The following LHFPL2 variants were observed in gnomAD, a reference collection of about 807,000 sequenced individuals.
LHFPL2 encodes the protein LHFPL tetraspan subfamily member 2, also known as LHFPL tetraspan subfamily member 2 protein.
LHFPL2 carries 7 observed loss-of-function variants against 17.5 expected under a neutral mutation model. The observed-to-expected ratio is 0.40, with a 90% CI of 0.23 to 0.75. The LOEUF (loss-of-function observed/expected upper bound fraction) is 0.75, where lower values mean the gene tolerates loss of function less well. Among genes scored for constraint, LHFPL2 ranks in the 30% least tolerant of loss-of-function variants. The pLI, the probability that LHFPL2 is intolerant of heterozygous loss-of-function variation, is 0.37. For missense variants in LHFPL2, 241 were observed against 294.8 expected (o/e 0.82, Z 1.34); for synonymous variants, 134 against 116.2 (o/e 1.15, Z -0.99).
intron 3 of LHFPL2, among the ~76,000 whole-genome samples, chr5:78,553,529 C>G (rs1756499059): frequency 6.6e-6 from 1 of 152,164 alleles, no homozygotes; most frequent in African/African-American, 2.4e-5. Flanking sequence ...CAGATCATAT[C>G]CCCTCACCCA....
chr5:78,543,611 AG>A (rs1308661177), intron 3 of LHFPL2, among the ~76,000 whole-genome samples: 2 of 152,170 alleles, frequency 1.3e-5, no homozygotes, highest in African/African-American at 2.4e-5. Context: ...TTCTGGCTGC[AG>A]GGATGAGGTC....
At chr5:78,585,514 C>T (rs976051902) in intron 2 of LHFPL2, among the ~76,000 whole-genome samples, 8 of 152,138 alleles carry the variant, frequency 5.3e-5, no homozygotes, top group Non-Finnish European at 1.2e-4. Flanking sequence ...GTCTGGCACT[C>T]CCTAGTGAGA....
At chr5:78,599,252 A>T (rs1743924680) in intron 2 of LHFPL2, among the ~76,000 whole-genome samples, 1 of 152,138 alleles carries the variant, frequency 6.6e-6, no homozygotes, top group African/African-American at 2.4e-5. Context: ...TACTAGATAT[A>T]AAAACTTCCC....
At chr5:78,565,463 T>C (rs1426547136) in intron 2 of LHFPL2, among the ~76,000 whole-genome samples, 1 of 152,228 alleles carries the variant, frequency 6.6e-6, no homozygotes, top group Non-Finnish European at 1.5e-5. Flanking sequence ...AGGATTCCTT[T>C]TGGTGGTCTC....
rs572791757 is a variant in LHFPL2, at chr5:78,633,588, C to G, written c.-349-1220G>C. Among the ~76,000 whole-genome samples the G allele has an allele frequency of 2.0e-5, 3 of 152,328 alleles. No homozygotes were observed. The South Asian group carries it at 6.2e-4, about 32-fold the overall frequency. On this transcript the variant is annotated intron_variant, in intron 1 of 4. Coordinates refer to ENST00000380345, the MANE Select transcript of LHFPL2 (RefSeq NM_005779.3). ...CAGAGTACAGAGATGGCCCAGCCTGCTAACCCAGCAGCAATTCTGTGCTCA... is the reference window on the plus strand; with the variant it reads ...CAGAGTACAGAGATGGCCCAGCCTGGTAACCCAGCAGCAATTCTGTGCTCA...
chr5:78,519,786 G>A (rs1166966902), intron 3 of LHFPL2, among the ~76,000 whole-genome samples: 1 of 152,212 alleles, frequency 6.6e-6, no homozygotes, highest in East Asian at 1.9e-4. Context: ...GCATAAATGC[G>A]ACCACTTCTG....
chr5:78,620,668 G>C lies in LHFPL2; in HGVS notation c.-245+11596C>G, dbSNP rs1051954011. On this transcript the variant is annotated intron_variant, in intron 2 of 4. Coordinates refer to ENST00000380345, the MANE Select transcript of LHFPL2 (RefSeq NM_005779.3). The stretch of plus-strand genomic sequence containing the variant: ...CTGGCATCTAGTCAGCAGAGGCCAG[G>C]GACACCGCTAGGCATCCACTATAGG... Among the ~76,000 whole-genome samples the C allele has an allele frequency of 1.1e-4, 17 of 152,234 alleles. No individual in the cohort carries two copies. In the South Asian group the frequency reaches 1.5e-3, roughly 13 times the overall value.
chr5:78,545,592 G>T (rs1393666215), intron 3 of LHFPL2, among the ~76,000 whole-genome samples: 1 of 152,186 alleles, frequency 6.6e-6, no homozygotes, highest in Non-Finnish European at 1.5e-5. Context: ...CGTTCATCTT[G>T]TTTAAAAAGA....
chr5:78,644,921 C>T (rs565621591), intron 1 of LHFPL2: 23 of 156,480 alleles, frequency 1.5e-4, no homozygotes, highest in Non-Finnish European at 1.4e-4. Flanking sequence ...CCAGGGCTGT[C>T]TCTATGGTGC....
chr5:78,632,954 C>T (rs1399819050), intron 1 of LHFPL2, among the ~76,000 whole-genome samples: 1 of 152,134 alleles, frequency 6.6e-6, no homozygotes, highest in Non-Finnish European at 1.5e-5. Context: ...CGGGGGGGTC[C>T]TGGAAGCAAG....
chr5:78,562,671 T>C (rs1194114081), intron 3 of LHFPL2, among the ~76,000 whole-genome samples: 1 of 151,670 alleles, frequency 6.6e-6, no homozygotes, highest in East Asian at 1.9e-4. Flanking sequence ...AGGATCAGAT[T>C]GCTCTACAAT....
In LHFPL2 at chr5:78,618,333, A is replaced by T. The variant is rs114299879; in HGVS notation, c.-245+13931T>A. 6.8e-3 allele frequency among the ~76,000 whole-genome samples: 1,039 copies of T among 152,324 alleles called. 8 individuals carry two copies. The highest frequency in any genetic ancestry group is 0.023 in the African/African-American group (972 of 41,574). Reference sequence around the variant, plus strand: ...TTAGGGGTCATCTGAAACAAGTTTTAATGGTGTCTCACATTTTGTGGGTCA... The same window carrying T: ...TTAGGGGTCATCTGAAACAAGTTTTTATGGTGTCTCACATTTTGTGGGTCA... On this transcript the variant is annotated intron_variant, in intron 2 of 4. Transcript: ENST00000380345.
chr5:78,549,613 T>C (rs770063431), intron 3 of LHFPL2, among the ~76,000 whole-genome samples: 1 of 152,178 alleles, frequency 6.6e-6, no homozygotes, highest in Non-Finnish European at 1.5e-5. Context: ...AGCCCTCCAA[T>C]AACAATAAAT....
At position 78,488,882 on chromosome 5, in the gene LHFPL2, A is replaced by AT. The variant is rs1316005172; in HGVS notation, c.*14dup. The stretch of plus-strand genomic sequence containing the variant: ...AAGATTACTCAAGGGAGAAAATGGC[A>AT]TTGTCTCTTCCAAACTAAAGGAGGC... On this transcript the variant is annotated 3_prime_UTR_variant, in exon 5 of 5. Transcript: ENST00000380345. 6.2e-7 allele frequency: 1 copy of AT among 1,612,672 alleles called. No individual in the cohort carries two copies. The highest frequency in any genetic ancestry group is 1.1e-5 in the South Asian group (1 of 91,058).
chr5:78,640,246 T>C (rs1248462420), intron 1 of LHFPL2, among the ~76,000 whole-genome samples: 8 of 150,508 alleles, frequency 5.3e-5, no homozygotes, highest in Non-Finnish European at 1.2e-4. Context: ...GTATTTCTTA[T>C]CAATCAGGTT....
intron 4 of LHFPL2, among the ~76,000 whole-genome samples, chr5:78,507,244 C>T (rs1754957988): frequency 1.3e-5 from 2 of 151,864 alleles, no homozygotes; most frequent in African/African-American, 4.8e-5. Context: ...GCAGGAGAAT[C>T]GCTTGAAACT....
intron 2 of LHFPL2, chr5:78,625,790 G>T (rs956145520): frequency 2.4e-4 from 37 of 152,188 alleles, no homozygotes; most frequent in African/African-American, 8.0e-4. Context: ...GAACAAACAA[G>T]ACAGACAAGA....
At chr5:78,615,535 T>C (rs1047825538) in intron 2 of LHFPL2, among the ~76,000 whole-genome samples, 1 of 152,210 alleles carries the variant, frequency 6.6e-6, no homozygotes, top group Admixed American at 6.5e-5. Flanking sequence ...GTAGGCATTC[T>C]TCATCTGCTC....
Position 78,648,559 on chromosome 5 carries a change from AG to A in LHFPL2, c.-411del, listed in dbSNP as rs1745973287. On this transcript the variant is annotated 5_prime_UTR_variant, in exon 1 of 5. The change creates a new upstream start codon in the 5' untranslated region. Transcript: ENST00000380345. The surrounding 1 kb of genome is among the most constrained non-coding windows in gnomAD (Gnocchi z 5.4). Reference sequence around the variant, plus strand: ...CAGCCTTCCCCAAGTCAGGGCTTTCAGTGACGCCTCCTCGCAGCCACCTCGC... The same window carrying A: ...CAGCCTTCCCCAAGTCAGGGCTTTCATGACGCCTCCTCGCAGCCACCTCGC... 1 of 151,942 alleles carries A rather than the reference AG, an allele frequency of 6.6e-6. No homozygotes were observed. The highest frequency in any genetic ancestry group is 6.6e-5 in the Admixed American group (1 of 15,264). The allele number at this position is 151,942 out of a possible 1,614,324, so 9.4% of individuals were successfully genotyped here.
Sources: gnomAD v4.1 joint callset for allele counts (sites outside exome capture counted in the v4.1 genomes callset) on GRCh38, gnomAD v4.1.1 for gene constraint, Gnocchi (gnomAD v3.1) non-coding constraint, MANE v1.5 for transcripts, NCBI Gene and HGNC (gene_info 2026-07-23, HGNC 2026-07-21) for gene names.